CHN2: variants seen among roughly 807,000 people sequenced by gnomAD.
The protein encoded by CHN2 is beta-chimaerin.
CHN2 carries 35 observed loss-of-function variants against 56.3 expected under a neutral mutation model. That is an observed-to-expected ratio of 0.62 (90% CI 0.47 to 0.82). CHN2 has a LOEUF of 0.82. Ranked by LOEUF, CHN2 falls within the 40% of genes least tolerant of loss-of-function variation. The pLI is 0.00. For synonymous variants in CHN2, 210 were observed against 212.8 expected, an observed-to-expected ratio of 0.99 and a Z score of 0.12; for missense variants, 491 against 580.5, an observed-to-expected ratio of 0.85 and a Z score of 1.58.
At chr7:29,453,113 T>C (rs1784518445) in intron 6 of CHN2, among the ~76,000 whole-genome samples, 1 of 152,256 alleles carries the variant, frequency 6.6e-6, no homozygotes, top group Admixed American at 6.5e-5. Context: ...AGTTGCCACC[T>C]GCTATCTGCC....
rs369823907 is a variant in CHN2 at position 29,213,017 on chromosome 7, T to A, written c.49+18027T>A. ...AACAATCAGGCCTGGAACAGTCCCT[T>A]CTATAACTGTGGAGAGGAATCTCTG... On this transcript the variant is annotated intron_variant, in intron 1 of 12. Coordinates refer to ENST00000222792, the MANE Select transcript of CHN2 (RefSeq NM_004067.4). The A allele has an allele frequency of 1.7e-4, 268 of 1,588,694 alleles. 2 individuals carry two copies. The East Asian group carries it at 3.3e-3, about 19-fold the overall frequency.
At chr7:29,263,994 A>G (rs1261719777) in intron 1 of CHN2, among the ~76,000 whole-genome samples, 1 of 115,480 alleles carries the variant, frequency 8.7e-6, no homozygotes, top group Non-Finnish European at 1.7e-5. Context: ...CCGCCCAGCC[A>G]GCCGCCCCAT....
At chr7:29,226,837 G>C (rs191965393) in intron 1 of CHN2, among the ~76,000 whole-genome samples, 32 of 152,228 alleles carry the variant, frequency 2.1e-4, no homozygotes, top group African/African-American at 7.7e-4. Context: ...GTTTTCCCCT[G>C]AAATGAGTGT....
intron 1 of CHN2, among the ~76,000 whole-genome samples, chr7:29,329,090 A>T (rs1360806620): frequency 6.6e-6 from 1 of 152,094 alleles, no homozygotes; most frequent in Non-Finnish European, 1.5e-5. Flanking sequence ...TGCAGACTGA[A>T]AAATGTTGCT....
chr7:29,382,747 A>G (rs925609264), intron 3 of CHN2, among the ~76,000 whole-genome samples: 1 of 152,176 alleles, frequency 6.6e-6, no homozygotes, highest in Non-Finnish European at 1.5e-5. Context: ...CTTCCCCAGG[A>G]TGGCAGCATT....
At chr7:29,487,813 G>A (rs951693997) in intron 7 of CHN2, among the ~76,000 whole-genome samples, 4 of 151,832 alleles carry the variant, frequency 2.6e-5, no homozygotes, top group African/African-American at 7.3e-5. Flanking sequence ...GCTACTAAAC[G>A]TCCAGGACAG....
intron 10 of CHN2, 67 bp from the exon 11 acceptor site, chr7:29,507,161 T>TC (rs397738871): frequency 6.6e-5 from 95 of 1,434,782 alleles, no homozygotes; most frequent in Middle Eastern, 5.5e-4. Context: ...TTTTTTTTTT[T>TC]CCTTTCTGTA....
chr7:29,426,912 G>A (rs1585354036), intron 6 of CHN2, among the ~76,000 whole-genome samples: 1 of 152,204 alleles, frequency 6.6e-6, no homozygotes, highest in East Asian at 1.9e-4. Flanking sequence ...CTTCTCACAT[G>A]GTCCCTCCGT....
intron 1 of CHN2, among the ~76,000 whole-genome samples, chr7:29,336,759 C>CAAAAAAAAAAA (rs5883205): frequency 8.7e-5 from 6 of 68,580 alleles, no homozygotes; most frequent in African/African-American, 3.9e-4. Flanking sequence ...GATTCTGTCT[C>CAAAAAAAAAAA]AAAAAAAAAA....
chr7:29,442,136 A>C (rs1376697210), intron 6 of CHN2, among the ~76,000 whole-genome samples: 1 of 152,236 alleles, frequency 6.6e-6, no homozygotes, highest in Non-Finnish European at 1.5e-5. Flanking sequence ...TACAACATGC[A>C]TGAACTTTGA....
At chr7:29,274,015 C>G (rs1204595667) in intron 1 of CHN2, among the ~76,000 whole-genome samples, 2 of 152,166 alleles carry the variant, frequency 1.3e-5, no homozygotes, top group Admixed American at 6.5e-5. Context: ...ACTTGCCTCT[C>G]TCTGTGTTTA....
At chr7:29,178,124 T>C (rs541901741) in intron 2 of CHN2, among the ~76,000 whole-genome samples, 1 of 152,296 alleles carries the variant, frequency 6.6e-6, no homozygotes, top group African/African-American at 2.4e-5. Context: ...TCTCCACTGC[T>C]ACTATCCTCT....
At chr7:29,451,349 G>A (rs1784388471) in intron 6 of CHN2, among the ~76,000 whole-genome samples, 1 of 152,110 alleles carries the variant, frequency 6.6e-6, no homozygotes, top group African/African-American at 2.4e-5. Context: ...TTAGGACCCT[G>A]GATGGATACT....
chr7:29,409,293 G>T (rs1393027526), intron 6 of CHN2, among the ~76,000 whole-genome samples: 1 of 152,076 alleles, frequency 6.6e-6, no homozygotes, highest in Non-Finnish European at 1.5e-5. Flanking sequence ...GTTAATGTGG[G>T]TTAAATCTTG....
intron 7 of CHN2, among the ~76,000 whole-genome samples, chr7:29,491,608 T>C (rs1400333288): frequency 6.6e-6 from 1 of 152,134 alleles, no homozygotes; most frequent in East Asian, 1.9e-4. Flanking sequence ...GGAGTCTCAC[T>C]ATGTTGCCCA....
chr7:29,465,617 T>C (rs1012277591), intron 6 of CHN2, among the ~76,000 whole-genome samples: 1 of 152,120 alleles, frequency 6.6e-6, no homozygotes, highest in Admixed American at 6.6e-5. Flanking sequence ...AGCTCCAGAG[T>C]CTTCCTAACA....
Position 29,442,934 on chromosome 7 carries a change from C to CTTTTTTTTTTTTTTTTTTTTTTTTTTT in CHN2, c.577-37328_577-37327insTTTTTTTTTTTTTTTTTTTTTTTTTTT, listed in dbSNP as rs541792526. Among the ~76,000 whole-genome samples the CTTTTTTTTTTTTTTTTTTTTTTTTTTT allele has an allele frequency of 7.8e-5, 8 of 103,066 alleles. 2 individuals carry two copies. Among genetic ancestry groups the CTTTTTTTTTTTTTTTTTTTTTTTTTTT allele is most frequent in the South Asian group, 3.2e-4 (1 of 3,120 alleles). The allele number at this position is 103,066 out of a possible 152,430, so 67.6% of individuals were successfully genotyped here. A position where few individuals can be genotyped will look rare whatever the true frequency, so the allele number is the denominator to read the frequency against. On this transcript the variant is annotated intron_variant, in intron 6 of 12. Coordinates refer to ENST00000222792, the MANE Select transcript of CHN2 (RefSeq NM_004067.4). The stretch of plus-strand genomic sequence containing the variant: ...CATCGCTTTCAATTTCATTGAATTT[C>CTTTTTTTTTTTTTTTTTTTTTTTTTTT]TTTTTTTTTTTTTTTTTGAGACGGA...
At chr7:29,461,811 G>A (rs1323690662) in intron 6 of CHN2, among the ~76,000 whole-genome samples, 1 of 147,146 alleles carries the variant, frequency 6.8e-6, no homozygotes, top group Non-Finnish European at 1.5e-5. Flanking sequence ...TAACTGGTTG[G>A]TTCATTGGAT....
intron 1 of CHN2, among the ~76,000 whole-genome samples, chr7:29,271,909 G>A (rs536516113): frequency 8.5e-5 from 13 of 152,130 alleles, no homozygotes; most frequent in Non-Finnish European, 1.8e-4. Context: ...ACTTCATACT[G>A]CATGTAGCTG....
Sources: gnomAD v4.1 joint callset for allele counts (sites outside exome capture counted in the v4.1 genomes callset) on GRCh38, gnomAD v4.1.1 for gene constraint, MANE v1.5 for transcripts, NCBI Gene and HGNC (gene_info 2026-07-23, HGNC 2026-07-21) for gene names.